The following MON2 variants were observed in gnomAD, a reference collection of about 807,000 sequenced individuals.
The protein encoded by MON2 is protein MON2 homolog.
A neutral mutation model predicts 208.6 loss-of-function variants in MON2; 84 were observed. That is an observed-to-expected ratio of 0.40 (90% CI 0.34 to 0.48). The LOEUF (loss-of-function observed/expected upper bound fraction) is 0.48. MON2 is among the 20% of genes least tolerant of loss of function. The pLI is 0.59. For synonymous variants in MON2, 660 were observed against 694.0 expected (o/e 0.95, Z 0.77); for missense variants, 1,611 against 2,015.4 (o/e 0.80, Z 3.84).
At chr12:62,475,158 C>T (rs1229134872) in intron 1 of MON2, among the ~76,000 whole-genome samples, 2 of 152,158 alleles carry the variant, frequency 1.3e-5, no homozygotes, top group African/African-American at 2.4e-5. Flanking sequence ...TTATGCTTCA[C>T]CCCAACTAGG....
chr12:62,505,588 TCA>T (rs2071056842), intron 7 of MON2, among the ~76,000 whole-genome samples: 1 of 152,022 alleles, frequency 6.6e-6, no homozygotes, highest in Non-Finnish European at 1.5e-5. Context: ...ATCAGGTGGT[TCA>T]CAGAGATCTG....
At position 62,553,157 on chromosome 12, in the gene MON2, C is replaced by G; in HGVS notation, c.3193C>G (p.His1065Asp). ...AACTTTATTACAGCATTCAACCTGGCACACTGTTATCTGGAAGGTATTGTA... is the reference window on the plus strand; with the variant it reads ...AACTTTATTACAGCATTCAACCTGGGACACTGTTATCTGGAAGGTATTGTA... Reference protein sequence around the residue: ...HGTLLQHSTWHTVIWKVLFHL... With the variant: ...HGTLLQHSTWDTVIWKVLFHL... Residue 1065 changes from histidine (H) to aspartate (D), a missense_variant, in exon 24 of 35, where the codon CAC (histidine) becomes GAC (aspartate). His to Asp is a moderately conservative substitution (Grantham distance 81). Transcript: ENST00000393630. The G allele has an allele frequency of 6.2e-7, 1 of 1,613,884 alleles. No individual in the cohort carries two copies. Among genetic ancestry groups the G allele is most frequent in the Non-Finnish European group, 8.5e-7 (1 of 1,179,768 alleles).
chr12:62,496,305 A>G (rs2070483693), intron 4 of MON2, among the ~76,000 whole-genome samples: 1 of 152,038 alleles, frequency 6.6e-6, no homozygotes, highest in African/African-American at 2.4e-5. Context: ...AAATGTTTTC[A>G]TTTGATCTAC....
At chr12:62,567,503 A>G (rs1177210482) in intron 29 of MON2, among the ~76,000 whole-genome samples, 1 of 152,166 alleles carries the variant, frequency 6.6e-6, no homozygotes, top group African/African-American at 2.4e-5. Context: ...TAAACTTACA[A>G]AAGACCAAAT....
intron 8 of MON2, among the ~76,000 whole-genome samples, chr12:62,518,938 TG>T (rs1229133297): frequency 2.0e-5 from 3 of 152,178 alleles, no homozygotes; most frequent in Non-Finnish European, 4.4e-5. Flanking sequence ...GCCTGGTAGT[TG>T]GGGGGCAAGC....
intron 4 of MON2, among the ~76,000 whole-genome samples, chr12:62,498,133 T>C (rs2070633542): frequency 6.6e-6 from 1 of 151,780 alleles, no homozygotes; most frequent in Non-Finnish European, 1.5e-5. Context: ...ACTCGTACAA[T>C]AGAATACTGC....
rs112973583 is a variant in MON2, at chr12:62,552,737, T to C, written c.2917-144T>C. On this transcript the variant is annotated intron_variant, in intron 23 of 34. Transcript: ENST00000393630. Reference sequence around the variant, plus strand: ...ACTGACAGAAGAAGAGATGTTTTCATTGAATCTATTCTACTAGGAAAGAGA... The same window carrying C: ...ACTGACAGAAGAAGAGATGTTTTCACTGAATCTATTCTACTAGGAAAGAGA... 31 of 603,732 alleles carry C rather than the reference T, an allele frequency of 5.1e-5. 1 individual carries two copies. Among genetic ancestry groups the C allele is most frequent in the African/African-American group, 3.9e-4 (21 of 54,054 alleles). The allele number at this position is 603,732 out of a possible 1,614,324, so 37.4% of individuals were successfully genotyped here.
chr12:62,472,562 A>G (rs1200990292), intron 1 of MON2, among the ~76,000 whole-genome samples: 1 of 152,222 alleles, frequency 6.6e-6, no homozygotes, highest in African/African-American at 2.4e-5. Flanking sequence ...GTTTCTTGTG[A>G]TAGAGTTCCT....
At position 62,546,889 on chromosome 12, in the gene MON2, C is replaced by T; in HGVS notation, c.2578-8C>T. On this transcript the variant is annotated splice_region_variant and splice_polypyrimidine_tract_variant and intron_variant, in intron 21 of 34. Coordinates refer to ENST00000393630, the MANE Select transcript of MON2 (RefSeq NM_015026.3). ...CTCTTCCTAATTAGTTTCTTGCCCCCTTTTCAGAGGCTGCAGTTGCTTTTA... is the reference window on the plus strand; with the variant it reads ...CTCTTCCTAATTAGTTTCTTGCCCCTTTTTCAGAGGCTGCAGTTGCTTTTA... 6 of 1,583,292 alleles carry T rather than the reference C, an allele frequency of 3.8e-6. No individual in the cohort carries two copies. Among genetic ancestry groups the T allele is most frequent in the Non-Finnish European group, 4.3e-6 (5 of 1,163,760 alleles).
At chr12:62,591,074 T>A (rs1206062292) in intron 34 of MON2, among the ~76,000 whole-genome samples, 8 of 152,354 alleles carry the variant, frequency 5.3e-5, no homozygotes, top group African/African-American at 1.9e-4. Flanking sequence ...TGACTCTCCA[T>A]CTGGGACAAC....
intron 7 of MON2, among the ~76,000 whole-genome samples, chr12:62,506,759 T>C (rs2071122929): frequency 6.6e-6 from 1 of 152,116 alleles, no homozygotes; most frequent in East Asian, 1.9e-4. Flanking sequence ...AAAAATTTTG[T>C]GATTCTGAGC....
intron 8 of MON2, among the ~76,000 whole-genome samples, chr12:62,523,088 GC>G (rs1338873746): frequency 6.6e-6 from 1 of 152,070 alleles, no homozygotes; most frequent in South Asian, 2.1e-4. Context: ...TGCCACTTAT[GC>G]CACTTGTAAA....
At chr12:62,535,748 G>A in intron 14 of MON2, 39 bp downstream of exon 14, 3 of 1,513,618 alleles carry the variant, frequency 2.0e-6, no homozygotes, top group Non-Finnish European at 1.8e-6. Context: ...TATGTAGTGG[G>A]ATGATATGGT....
chr12:62,547,787 A>G (rs185466549), intron 22 of MON2, among the ~76,000 whole-genome samples: 1 of 152,328 alleles, frequency 6.6e-6, no homozygotes, highest in Admixed American at 6.5e-5. Flanking sequence ...ATATTATGTT[A>G]CAATTGCTTA....
intron 5 of MON2, among the ~76,000 whole-genome samples, chr12:62,500,016 A>C (rs563738720): frequency 6.6e-6 from 1 of 152,258 alleles, no homozygotes; most frequent in South Asian, 2.1e-4. Context: ...AGGAATTATA[A>C]TGTGTCCCAT....
At chr12:62,525,695 T>C (rs1005630893) in intron 10 of MON2, among the ~76,000 whole-genome samples, 1 of 152,216 alleles carries the variant, frequency 6.6e-6, no homozygotes, top group Non-Finnish European at 1.5e-5. Context: ...AGTGGTCTAA[T>C]GAAAGGCTAA....
At chr12:62,546,641 C>G (rs1393297213) in intron 21 of MON2, among the ~76,000 whole-genome samples, 1 of 152,104 alleles carries the variant, frequency 6.6e-6, no homozygotes, top group East Asian at 1.9e-4. Flanking sequence ...GTAATCCCAG[C>G]TACTCAGGAG....
intron 7 of MON2, among the ~76,000 whole-genome samples, chr12:62,504,245 CTTTT>C (rs71450586): frequency 1.7e-5 from 2 of 118,614 alleles, no homozygotes; most frequent in Non-Finnish European, 1.7e-5. Flanking sequence ...CTTTTCTTTT[CTTTT>C]TTTTTTTTTT....
chr12:62,576,039 G>T (rs1380801004), intron 30 of MON2, among the ~76,000 whole-genome samples: 1 of 152,022 alleles, frequency 6.6e-6, no homozygotes, highest in Admixed American at 6.6e-5. Flanking sequence ...GAAATTGAAT[G>T]TAATATATTC....
Sources: allele counts gnomAD v4.1 joint callset (sites outside exome capture counted in the v4.1 genomes callset), GRCh38; gene constraint gnomAD v4.1.1; transcripts MANE v1.5; gene names NCBI Gene and HGNC (gene_info 2026-07-23, HGNC 2026-07-21).